ZNF277: variants seen among roughly 807,000 people sequenced by gnomAD.
The protein encoded by ZNF277 is nuclear receptor-interacting factor 4.
In ZNF277, 55 loss-of-function variants were observed where a neutral mutation model predicts 60.7. That is an observed-to-expected ratio of 0.91 (90% CI 0.73 to 1.13). ZNF277 has a LOEUF of 1.13. ZNF277 is among the 50% of genes most tolerant of loss of function. ZNF277 has a pLI of 0.00. For missense variants in ZNF277, 510 were observed against 523.0 expected, an observed-to-expected ratio of 0.98 and a Z score of 0.24; for synonymous variants, 178 against 179.3, an observed-to-expected ratio of 0.99 and a Z score of 0.06.
intron 7 of ZNF277, among the ~76,000 whole-genome samples, chr7:112,333,038 T>G (rs556597742): frequency 6.6e-6 from 1 of 152,212 alleles, no homozygotes; most frequent in South Asian, 2.1e-4. Context: ...ATCATGTTAG[T>G]ATTATTTCAG....
chr7:112,286,560 C>A (rs557197639), intron 1 of ZNF277, among the ~76,000 whole-genome samples: 8 of 152,138 alleles, frequency 5.3e-5, no homozygotes, highest in African/African-American at 9.7e-5. Flanking sequence ...GCAAGTACCC[C>A]GGGAATTGCT....
At chr7:112,318,361 T>C in intron 5 of ZNF277, 88 bp downstream of exon 5, 1 of 1,220,718 alleles carries the variant, frequency 8.2e-7, no homozygotes, top group South Asian at 1.3e-5. Context: ...TAAATTAAGT[T>C]CTATGTGTTG....
intron 1 of ZNF277, among the ~76,000 whole-genome samples, chr7:112,256,423 T>TTG (rs1554487814): frequency 1.9e-5 from 2 of 104,516 alleles, no homozygotes; most frequent in African/African-American, 1.4e-4. Flanking sequence ...TCTTTGGAGT[T>TTG]TTTTTTTTTT....
At chr7:112,297,706 A>G (rs1431974267) in intron 4 of ZNF277, among the ~76,000 whole-genome samples, 1 of 152,208 alleles carries the variant, frequency 6.6e-6, no homozygotes, top group East Asian at 1.9e-4. Flanking sequence ...GGCTAAATTT[A>G]CTATCATGTC....
At chr7:112,250,137 T>C (rs928264985) in intron 1 of ZNF277, among the ~76,000 whole-genome samples, 1 of 152,210 alleles carries the variant, frequency 6.6e-6, no homozygotes, top group East Asian at 1.9e-4. Context: ...CACCTGGGGG[T>C]AGGTCTCTAA....
At chr7:112,212,557 A>G (rs761235837) in intron 1 of ZNF277, among the ~76,000 whole-genome samples, 1 of 152,252 alleles carries the variant, frequency 6.6e-6, no homozygotes, top group Non-Finnish European at 1.5e-5. Context: ...GACCTCAGTA[A>G]GTATTAGTTG....
rs3823515 is a variant in ZNF277, at chr7:112,318,284, T to G, written c.557+11T>G. 1 of 1,608,118 alleles carries G rather than the reference T, an allele frequency of 6.2e-7. No homozygotes were observed. The highest frequency in any genetic ancestry group is 1.7e-5 in the Admixed American group (1 of 59,922). On this transcript the variant is annotated intron_variant, in intron 5 of 11. Transcript: ENST00000361822. Reference sequence around the variant, plus strand: ...ATTCCTTGGAAACAGGTTTGCCATTTTGCATCTTTAAATGTTACTGTTTTT... The same window carrying G: ...ATTCCTTGGAAACAGGTTTGCCATTGTGCATCTTTAAATGTTACTGTTTTT...
chr7:112,280,787 G>A (rs1216979423), intron 1 of ZNF277, among the ~76,000 whole-genome samples: 7 of 151,896 alleles, frequency 4.6e-5, no homozygotes, highest in Non-Finnish European at 8.8e-5. Context: ...CACCACGCCC[G>A]GCTAATTTTT....
Position 112,281,112 on chromosome 7 carries a change from TG to T in ZNF277, c.92-5758del, listed in dbSNP as rs1791934679. Among the ~76,000 whole-genome samples the T allele has an allele frequency of 2.0e-5, 3 of 152,364 alleles. No individual in the cohort carries two copies. In the South Asian group the frequency reaches 6.2e-4, roughly 32 times the overall value. On this transcript the variant is annotated intron_variant, in intron 1 of 11. Coordinates refer to ENST00000361822, the MANE Select transcript of ZNF277 (RefSeq NM_021994.3). Reference sequence around the variant, plus strand: ...CCGCAAGGCCATGTCACCTAATTTATGGGCTTTTCCTTAGGTTTAAAATACC... The same window carrying T: ...CCGCAAGGCCATGTCACCTAATTTATGGCTTTTCCTTAGGTTTAAAATACC...
chr7:112,306,673 T>G (rs919472602), intron 4 of ZNF277, among the ~76,000 whole-genome samples: 1 of 152,100 alleles, frequency 6.6e-6, no homozygotes, highest in Non-Finnish European at 1.5e-5. Context: ...CTACCTTCTT[T>G]TCCAGCCACC....
chr7:112,292,981 T>G (rs894686614), intron 2 of ZNF277, among the ~76,000 whole-genome samples: 9 of 152,228 alleles, frequency 5.9e-5, no homozygotes, highest in Non-Finnish European at 1.3e-4. Context: ...TAGTAATAAC[T>G]GTCATATATA....
At chr7:112,292,008 T>C (rs954403271) in intron 2 of ZNF277, among the ~76,000 whole-genome samples, 2 of 152,214 alleles carry the variant, frequency 1.3e-5, no homozygotes, top group Non-Finnish European at 2.9e-5. Flanking sequence ...TTTGTTCCTC[T>C]TGGACCAACC....
In ZNF277 at chr7:112,327,826, A is replaced by T; in HGVS notation, c.667A>T (p.Asn223Tyr). ...FLCTLQKKLD[N>Y]LQCLYCEKTF... ...GTGTACATTACAGAAAAAGCTTGACAAGTAAGTACTGATTTATGAAACACT... is the reference window on the plus strand; with the variant it reads ...GTGTACATTACAGAAAAAGCTTGACTAGTAAGTACTGATTTATGAAACACT... Residue 223 changes from asparagine (N) to tyrosine (Y), a missense_variant and splice_region_variant, in exon 6 of 12, where the codon AAT becomes TAT. Asn to Tyr is a moderately radical substitution (Grantham distance 143). Coordinates refer to ENST00000361822, the MANE Select transcript of ZNF277 (RefSeq NM_021994.3). 1 of 1,595,262 alleles carries T rather than the reference A, an allele frequency of 6.3e-7. No homozygotes were observed. The highest frequency in any genetic ancestry group is 8.6e-7 in the Non-Finnish European group (1 of 1,168,342).
chr7:112,210,657 A>T (rs576904874), intron 1 of ZNF277, among the ~76,000 whole-genome samples: 50 of 151,848 alleles, frequency 3.3e-4, no homozygotes, highest in African/African-American at 1.2e-3. Context: ...TTTTTAGTAG[A>T]GACAGAGTTT....
chr7:112,280,705 A>G (rs1791919971), intron 1 of ZNF277, among the ~76,000 whole-genome samples: 1 of 151,524 alleles, frequency 6.6e-6, no homozygotes, highest in Non-Finnish European at 1.5e-5. Context: ...AGCTCACTGC[A>G]ACTTCTGCTC....
chr7:112,239,503 T>TC (rs962055322), intron 1 of ZNF277, among the ~76,000 whole-genome samples: 2 of 151,956 alleles, frequency 1.3e-5, no homozygotes, highest in African/African-American at 2.4e-5. Context: ...GTGACCCCTT[T>TC]CCCCCCAATT....
chr7:112,264,747 A>AT (rs140953866), intron 1 of ZNF277, among the ~76,000 whole-genome samples: 4,873 of 152,214 alleles, frequency 0.032, 245 homozygotes, highest in African/African-American at 0.11. Flanking sequence ...AGTCACATGG[A>AT]TTTTTTTGGT....
chr7:112,234,499 C>T (rs1822432654), intron 1 of ZNF277, among the ~76,000 whole-genome samples: 1 of 152,126 alleles, frequency 6.6e-6, no homozygotes, highest in Non-Finnish European at 1.5e-5. Context: ...CTAAATACCT[C>T]CCAAAGGTCC....
At chr7:112,300,579 C>T (rs727807) in intron 4 of ZNF277, among the ~76,000 whole-genome samples, 35,313 of 152,100 alleles carry the variant, frequency 0.23, 5,415 homozygotes, top group East Asian at 0.61. Flanking sequence ...AATGTTAGTG[C>T]TGGTGCAGAG....
Sources: gnomAD v4.1 joint callset for allele counts (sites outside exome capture counted in the v4.1 genomes callset) on GRCh38, gnomAD v4.1.1 for gene constraint, MANE v1.5 for transcripts, NCBI Gene and HGNC (gene_info 2026-07-23, HGNC 2026-07-21) for gene names.